The following GPM6A variants were observed in gnomAD, a reference collection of about 807,000 sequenced individuals.
GPM6A encodes the protein glycoprotein M6A.
In GPM6A, 7 loss-of-function variants were observed where a neutral mutation model predicts 32.1. The ratio of observed to expected loss-of-function variants is 0.22; its 90% confidence interval spans 0.12 to 0.41. The LOEUF (loss-of-function observed/expected upper bound fraction) is 0.41. Ranked by LOEUF, GPM6A falls within the 10% of genes least tolerant of loss-of-function variation. The pLI, the probability that GPM6A is intolerant of heterozygous loss-of-function variation, is 1.00. For missense variants in GPM6A, 235 were observed against 347.2 expected, an observed-to-expected ratio of 0.68 and a Z score of 2.57; for synonymous variants, 130 against 123.4, an observed-to-expected ratio of 1.05 and a Z score of -0.35.
chr4:175,770,969 C>T (rs1294544499), intron 1 of GPM6A, among the ~76,000 whole-genome samples: 1 of 152,164 alleles, frequency 6.6e-6, no homozygotes, highest in Non-Finnish European at 1.5e-5. Flanking sequence ...GAGAATAAAA[C>T]AGATAACAAG....
At chr4:175,782,624 A>G (rs1384333415) in intron 1 of GPM6A, among the ~76,000 whole-genome samples, 2 of 152,162 alleles carry the variant, frequency 1.3e-5, no homozygotes, top group African/African-American at 4.8e-5. Context: ...AGTTTATTAC[A>G]TCCGATTAAC....
chr4:175,716,441 A>G (rs1282718931), intron 1 of GPM6A, among the ~76,000 whole-genome samples: 2 of 151,938 alleles, frequency 1.3e-5, no homozygotes, highest in South Asian at 2.1e-4. Context: ...GGTAATTCAA[A>G]AGTCTTCCTG....
chr4:175,692,194 G>A (rs1299638891), intron 2 of GPM6A, among the ~76,000 whole-genome samples: 1 of 152,002 alleles, frequency 6.6e-6, no homozygotes, highest in African/African-American at 2.4e-5. Flanking sequence ...AAACAGCATG[G>A]CAATAATGAT....
intron 1 of GPM6A, among the ~76,000 whole-genome samples, chr4:175,823,233 C>T (rs1735333520): frequency 6.6e-6 from 1 of 152,190 alleles, no homozygotes; most frequent in African/African-American, 2.4e-5. Flanking sequence ...ACTTGATTAA[C>T]ACAGTTGTTA....
intron 1 of GPM6A, 134 bp downstream of exon 1, chr4:175,812,057 G>C: frequency 1.5e-6 from 1 of 664,824 alleles, no homozygotes; most frequent in Non-Finnish European, 2.6e-6. Flanking sequence ...GTGAGGAACA[G>C]ACTAAAGGAG....
At chr4:175,763,599 A>G (rs539400135) in intron 1 of GPM6A, among the ~76,000 whole-genome samples, 1 of 152,284 alleles carries the variant, frequency 6.6e-6, no homozygotes, top group African/African-American at 2.4e-5. Context: ...GGAAAAATGC[A>G]ATGATAAAGA....
intron 1 of GPM6A, among the ~76,000 whole-genome samples, chr4:175,760,524 C>T (rs576024764): frequency 1.3e-5 from 2 of 152,098 alleles, no homozygotes; most frequent in Non-Finnish European, 2.9e-5. Context: ...GCTCAAAAGA[C>T]TCTCATGTTG....
intron 3 of GPM6A, among the ~76,000 whole-genome samples, chr4:175,658,298 TG>T (rs1742200449): frequency 1.4e-5 from 2 of 144,008 alleles, no homozygotes; most frequent in African/African-American, 5.1e-5. Context: ...TGCATATGAC[TG>T]AAAAAAAAAA....
intron 1 of GPM6A, among the ~76,000 whole-genome samples, chr4:175,913,554 C>A (rs535676590): frequency 6.6e-6 from 1 of 152,242 alleles, no homozygotes; most frequent in Non-Finnish European, 1.5e-5. Flanking sequence ...GATTTGATAC[C>A]CTTACATCAT....
At chr4:175,730,155 TG>T (rs1357350752) in intron 1 of GPM6A, among the ~76,000 whole-genome samples, 7 of 152,074 alleles carry the variant, frequency 4.6e-5, no homozygotes, top group Non-Finnish European at 7.4e-5. Context: ...AAGTATAAGC[TG>T]CTGTCCTGGT....
chr4:175,750,991 G>A (rs777783329), intron 1 of GPM6A, among the ~76,000 whole-genome samples: 1 of 152,084 alleles, frequency 6.6e-6, no homozygotes, highest in Non-Finnish European at 1.5e-5. Context: ...TAAAGTATAT[G>A]TGTTGCCTTC....
chr4:175,996,314 AG>A (rs752166378), intron 1 of GPM6A, among the ~76,000 whole-genome samples: 1 of 152,220 alleles, frequency 6.6e-6, no homozygotes, highest in Non-Finnish European at 1.5e-5. Context: ...TCTCTTCAAA[AG>A]AAAAGTATGG....
chr4:175,826,381 C>A (rs1279121982), intron 1 of GPM6A, among the ~76,000 whole-genome samples: 1 of 151,840 alleles, frequency 6.6e-6, no homozygotes, highest in African/African-American at 2.4e-5. Context: ...GATTGAGACA[C>A]AAGTCTGTGT....
rs376914705 is a variant in GPM6A at position 175,673,786 on chromosome 4, A to C, written c.281T>G (p.Val94Gly). 1 of 1,612,212 alleles carries C rather than the reference A, an allele frequency of 6.2e-7. No individual in the cohort carries two copies. Among genetic ancestry groups the C allele is most frequent in the Non-Finnish European group, 8.5e-7 (1 of 1,178,458 alleles). Residue 94 changes from valine to glycine, a missense_variant, in exon 3 of 7, where the codon GTG (valine) becomes GGG (glycine). Val to Gly is a moderately radical substitution (Grantham distance 109). Around this residue, in one of 3 missense-constraint regions of GPM6A, gnomAD observed 101 missense variants for 171.2 expected, o/e 0.59. Transcript: ENST00000393658. ...VIYGIAAAFF[V>G]YGILLMVEGF... ...TTCCACCATCAGCAAAATGCCATAC[A>C]CAAAGAACGCAGCTGCGATGCCGTA...
intron 1 of GPM6A, among the ~76,000 whole-genome samples, chr4:175,918,879 T>G (rs1051794063): frequency 3.9e-5 from 6 of 152,102 alleles, no homozygotes; most frequent in Non-Finnish European, 8.8e-5. Context: ...CTTTTATGAT[T>G]TGTCTGCTTA....
Position 175,697,184 on chromosome 4 carries a change from C to T in GPM6A, c.230+4391G>A, listed in dbSNP as rs201275156. On this transcript the variant is annotated intron_variant, in intron 2 of 6. Transcript: ENST00000393658. Reference sequence around the variant, plus strand: ...GTTCCTTGCCCAGTCCTTTGGAGAGCTATTCAAAAAGCCAAGTCACTTAGC... The same window carrying T: ...GTTCCTTGCCCAGTCCTTTGGAGAGTTATTCAAAAAGCCAAGTCACTTAGC... 2.0e-5 allele frequency among the ~76,000 whole-genome samples: 3 copies of T among 152,096 alleles called. No individual in the cohort carries two copies. The East Asian group carries it at 5.8e-4, about 29-fold the overall frequency.
chr4:175,947,648 A>G (rs774335961), intron 1 of GPM6A: 3 of 152,142 alleles, frequency 2.0e-5, no homozygotes, highest in Non-Finnish European at 4.4e-5. Context: ...TCATTACCTC[A>G]TTTGTTTCTC....
At chr4:175,963,760 A>G (rs1432564642) in intron 1 of GPM6A, among the ~76,000 whole-genome samples, 1 of 152,216 alleles carries the variant, frequency 6.6e-6, no homozygotes, top group Non-Finnish European at 1.5e-5. Flanking sequence ...TTGACATAGC[A>G]GATAGCAGCT....
intron 1 of GPM6A, chr4:175,962,477 C>T (rs375374310): frequency 1.8e-4 from 110 of 611,486 alleles, no homozygotes; most frequent in East Asian, 1.3e-3. Flanking sequence ...TTCTCCAATG[C>T]GCAAGTGAAG....
Sources: gnomAD v4.1 joint callset for allele counts (sites outside exome capture counted in the v4.1 genomes callset) on GRCh38, gnomAD v4.1.1 for gene constraint, gnomAD v4.1.1 regional missense constraint, MANE v1.5 for transcripts, NCBI Gene and HGNC (gene_info 2026-07-23, HGNC 2026-07-21) for gene names.